The following ZNF273 variants were observed in gnomAD, a reference collection of about 807,000 sequenced individuals.
ZNF273 encodes zinc finger protein 273, also known as zinc finger protein 9.
Under a neutral mutation model 14.9 loss-of-function variants are expected in ZNF273, and 11 were observed. The observed-to-expected ratio is 0.74, with a 90% CI of 0.46 to 1.22. The LOEUF (loss-of-function observed/expected upper bound fraction) is 1.22. ZNF273 is among the 50% of genes most tolerant of loss of function. The pLI is 0.00. For synonymous variants in ZNF273, 199 were observed against 223.9 expected, an observed-to-expected ratio of 0.89 and a Z score of 0.99; for missense variants, 577 against 660.6, an observed-to-expected ratio of 0.87 and a Z score of 1.39.
Position 64,927,908 on chromosome 7 carries a change from A to C in ZNF273, c.580A>C (p.Asn194His). 1 of 1,613,480 alleles carries C rather than the reference A, an allele frequency of 6.2e-7. No individual in the cohort carries two copies. Among genetic ancestry groups the C allele is most frequent in the Non-Finnish European group, 8.5e-7 (1 of 1,179,780 alleles). The stretch of plus-strand genomic sequence containing the variant: ...AGTCCTTCATAAATTCTCAAATTCA[A>C]ATATACATAAGAAAAGACAAACTGG... ...VKVLHKFSNS[N>H]IHKKRQTGKK... Residue 194 changes from asparagine (N) to histidine (H), a missense_variant, in exon 4 of 4, where the codon AAT (asparagine) becomes CAT (histidine). By Grantham distance (68) the Asn-to-His change is moderately conservative. This residue lies in a region of ZNF273 where 411 missense variants were observed against 440.4 expected (regional missense o/e 0.93). Transcript: ENST00000476120.
In ZNF273 at chr7:64,903,287, T is replaced by C. The variant is rs1203367384; in HGVS notation, c.-31T>C. The C allele has an allele frequency of 6.4e-7, 1 of 1,563,388 alleles. No individual in the cohort carries two copies. The highest frequency in any genetic ancestry group is 8.8e-7 in the Non-Finnish European group (1 of 1,137,430). On this transcript the variant is annotated 5_prime_UTR_variant, in exon 1 of 4. Coordinates refer to ENST00000476120, the MANE Select transcript of ZNF273 (RefSeq NM_021148.3). Reference sequence around the variant, plus strand: ...GCGGGGCCTTTGTCTCTCGCTGCAGTCGCAGCTCCAGGTCTCGTCTTCACT... The same window carrying C: ...GCGGGGCCTTTGTCTCTCGCTGCAGCCGCAGCTCCAGGTCTCGTCTTCACT...
In ZNF273 at chr7:64,927,974, T is replaced by C. The variant is rs1409368945; in HGVS notation, c.646T>C (p.Cys216Arg). The C allele has an allele frequency of 6.2e-7, 1 of 1,613,948 alleles. No individual in the cohort carries two copies. Among genetic ancestry groups the C allele is most frequent in the Admixed American group, 1.7e-5 (1 of 60,026 alleles). The stretch of plus-strand genomic sequence containing the variant: ...ATGTAAAGAATGTGGCAAATCATGT[T>C]GCATACTTTCACAACTAACTCAGCA... ...FKCKECGKSC[C>R]ILSQLTQHKK... is the part of the protein sequence containing the mutation. Residue 216 changes from cysteine (C) to arginine (R), a missense_variant, in exon 4 of 4, where the codon TGC becomes CGC. Physicochemically the swap from Cys to Arg is radical, Grantham distance 180. Transcript: ENST00000476120.
At chr7:64,889,707 G>A (rs1026291293), downstream of ZNF273, 1 of 985,852 alleles carries the variant, frequency 1.0e-6, no homozygotes, top group African/African-American at 1.7e-5. The surrounding 1 kb of genome is among the most constrained non-coding windows in gnomAD (Gnocchi z 4.2). Context: ...CTCGGGATGC[G>A]GTTTGGGAGT....
intron 3 of ZNF273, among the ~76,000 whole-genome samples, chr7:64,921,513 A>G (rs372741640): frequency 6.6e-6 from 1 of 151,636 alleles, no homozygotes; most frequent in Non-Finnish European, 1.5e-5. Flanking sequence ...TTATACATAC[A>G]TACACAGATA....
At chr7:64,907,182 T>C (rs1357715759) in intron 1 of ZNF273, among the ~76,000 whole-genome samples, 1 of 152,180 alleles carries the variant, frequency 6.6e-6, no homozygotes, top group Non-Finnish European at 1.5e-5. Flanking sequence ...TGTTTGTTTT[T>C]AATGAGAAAA....
At chr7:64,915,406 C>T (rs775938113) in intron 1 of ZNF273, among the ~76,000 whole-genome samples, 3 of 152,092 alleles carry the variant, frequency 2.0e-5, no homozygotes, top group Non-Finnish European at 4.4e-5. Flanking sequence ...GATTTACCCA[C>T]GTATTTATTG....
intron 1 of ZNF273, among the ~76,000 whole-genome samples, chr7:64,912,826 G>T (rs6460210): frequency 2.6e-3 from 96 of 36,554 alleles, no homozygotes; most frequent in Middle Eastern, 0.025. Context: ...ATTCATTTTA[G>T]TTTTTTTTTT....
At position 64,917,746 on chromosome 7, in the gene ZNF273, TCTC is replaced by T. The variant is rs766023603; in HGVS notation, c.229+42_229+44del. 4.1e-5 allele frequency: 62 copies of T among 1,526,048 alleles called. No homozygotes were observed. In the African/African-American group the frequency reaches 8.0e-4, roughly 20 times the overall value. 94.5% of individuals were successfully genotyped at this position (1,526,048 alleles called of 1,614,324 possible). On this transcript the variant is annotated intron_variant, in intron 2 of 3. Coordinates refer to ENST00000476120, the MANE Select transcript of ZNF273 (RefSeq NM_021148.3). ...TAATACATAATTTAAAGGTTTCACT[TCTC>T]CTTTCTGTAGAATGTTTTTTGGAAA...
rs1003685721 is a variant in ZNF273 at position 64,930,728 on chromosome 7, CTTAT to C, written c.*1694_*1697del. ...CATAGGTTTTACATTTATATTTTTT[CTTAT>C]TTAAATTTATTGTTCTTATTTTTCA... On this transcript the variant is annotated 3_prime_UTR_variant, in exon 4 of 4. Transcript: ENST00000476120. 3 of 151,856 alleles carry C rather than the reference CTTAT, an allele frequency of 2.0e-5. No individual in the cohort carries two copies. The highest frequency in any genetic ancestry group is 7.3e-5 in the African/African-American group (3 of 41,364). The allele number at this position is 151,856 out of a possible 1,614,324, so 9.4% of individuals were successfully genotyped here.
At chr7:64,912,504 C>T (rs1382796152) in intron 1 of ZNF273, among the ~76,000 whole-genome samples, 1 of 151,786 alleles carries the variant, frequency 6.6e-6, no homozygotes, top group African/African-American at 2.4e-5. Flanking sequence ...TTCCCCCCAC[C>T]CCATAAACAT....
chr7:64,913,897 A>G (rs774806305), intron 1 of ZNF273, among the ~76,000 whole-genome samples: 31 of 151,878 alleles, frequency 2.0e-4, no homozygotes, highest in Admixed American at 3.9e-4. Context: ...TACATGGCCA[A>G]TTTGCAGAAA....
rs1794868143 is a variant in ZNF273 at position 64,928,371 on chromosome 7, G to T, written c.1043G>T (p.Cys348Phe). The T allele has an allele frequency of 6.2e-7, 1 of 1,613,528 alleles. No individual in the cohort carries two copies. Among genetic ancestry groups the T allele is most frequent in the African/African-American group, 1.3e-5 (1 of 74,882 alleles). Reference sequence around the variant, plus strand: ...CATACTGGAGAGAAACCCTACAAATGCAATGAATGTGGTAAAGCCTTTAAC... The same window carrying T: ...CATACTGGAGAGAAACCCTACAAATTCAATGAATGTGGTAAAGCCTTTAAC... ...IIHTGEKPYK[C>F]NECGKAFNWS... is the part of the protein sequence containing the mutation. Residue 348 changes from cysteine (C) to phenylalanine (F), a missense_variant, in exon 4 of 4, where the codon TGC (cysteine) becomes TTC (phenylalanine). Cys to Phe is a radical substitution (Grantham distance 205). This residue lies in a region of ZNF273 where 411 missense variants were observed against 440.4 expected (regional missense o/e 0.93). Transcript: ENST00000476120.
rs202029714 is a variant in ZNF273, at chr7:64,913,909, CT to C, written c.103-3667del. ...GATTACATGGCCAATTTGCAGAAAT[CT>C]TTTTACTTGTGCCCTTTCCACAAGT... On this transcript the variant is annotated intron_variant, in intron 1 of 3. Transcript: ENST00000476120. Among the ~76,000 whole-genome samples the C allele has an allele frequency of 9.1e-3, 1,390 of 151,932 alleles. 15 individuals are homozygous for C. The highest frequency in any genetic ancestry group is 0.032 in the African/African-American group (1,320 of 41,412).
At chr7:64,912,258 C>T (rs1263302468) in intron 1 of ZNF273, among the ~76,000 whole-genome samples, 1 of 152,080 alleles carries the variant, frequency 6.6e-6, no homozygotes, top group Non-Finnish European at 1.5e-5. Flanking sequence ...CATGCCTGGC[C>T]ATTTATGTTG....
In ZNF273 at chr7:64,903,391, C is replaced by A. The variant is rs1274388117; in HGVS notation, c.74C>A (p.Thr25Lys). Residue 25 changes from threonine (T) to lysine (K), a missense_variant, in exon 1 of 4, where the codon ACG becomes AAG. By Grantham distance (78) the Thr-to-Lys change is moderately conservative. Coordinates refer to ENST00000476120, the MANE Select transcript of ZNF273 (RefSeq NM_021148.3). ...GGTATTGGGAGATCCACAGCTAAGACGCCAGGACTCCCTGGAAGCCTAGAA... is the reference window on the plus strand; with the variant it reads ...GGTATTGGGAGATCCACAGCTAAGAAGCCAGGACTCCCTGGAAGCCTAGAA... Reference protein sequence around the residue: ...PAGIGRSTAKTPGLPGSLEMG... With the variant: ...PAGIGRSTAKKPGLPGSLEMG... 1 of 1,613,416 alleles carries A rather than the reference C, an allele frequency of 6.2e-7. No homozygotes were observed. Among genetic ancestry groups the A allele is most frequent in the Non-Finnish European group, 8.5e-7 (1 of 1,179,480 alleles).
At chr7:64,884,837 A>G (rs550785993) in intron 1 of ZNF273, among the ~76,000 whole-genome samples, 106 of 152,268 alleles carry the variant, frequency 7.0e-4, no homozygotes, top group African/African-American at 2.5e-3. Context: ...GACTAATGAG[A>G]CGGCCCGAGG....
downstream of ZNF273, among the ~76,000 whole-genome samples, chr7:64,890,315 T>C (rs996202160): frequency 4.1e-4 from 63 of 151,886 alleles, no homozygotes; most frequent in African/African-American, 1.5e-3. Context: ...AGGAGCAGCA[T>C]GTGGACAGAG....
chr7:64,892,368 T>G (rs1056709084), downstream of ZNF273, among the ~76,000 whole-genome samples: 2 of 148,774 alleles, frequency 1.3e-5, no homozygotes, highest in Non-Finnish European at 1.5e-5. Flanking sequence ...GCTTGGCTCA[T>G]AGTTAGTGCT....
chr7:64,923,125 C>T (rs1341138212), intron 3 of ZNF273, among the ~76,000 whole-genome samples: 4 of 152,106 alleles, frequency 2.6e-5, no homozygotes, highest in South Asian at 2.1e-4. Flanking sequence ...CATTTTTTCC[C>T]GTTTTCATGG....
Sources: allele counts gnomAD v4.1 joint callset (sites outside exome capture counted in the v4.1 genomes callset), GRCh38; gene constraint gnomAD v4.1.1; regional missense constraint gnomAD v4.1.1; non-coding constraint Gnocchi (gnomAD v3.1); transcripts MANE v1.5; gene names NCBI Gene and HGNC (gene_info 2026-07-23, HGNC 2026-07-21).